Variants in FASN observed in about 807,000 individuals in gnomAD.
FASN encodes fatty acid synthase.
A neutral mutation model predicts 250.0 loss-of-function variants in FASN; 50 were observed. The ratio of observed to expected loss-of-function variants is 0.20; its 90% confidence interval spans 0.16 to 0.25. The LOEUF (loss-of-function observed/expected upper bound fraction) is 0.25. FASN is among the 10% of genes least tolerant of loss of function. The pLI, the probability that FASN is intolerant of heterozygous loss-of-function variation, is 1.00. For synonymous variants in FASN, 1,909 were observed against 1,584.0 expected (o/e 1.21, Z -4.87); for missense variants, 3,031 against 3,498.5 (o/e 0.87, Z 3.37).
At position 82,093,865 on chromosome 17, in the gene FASN, G is replaced by T. The variant is rs147636810; in HGVS notation, c.281-94C>A. The T allele has an allele frequency of 9.5e-3, 12,697 of 1,339,234 alleles. 81 individuals are homozygous for T. Among genetic ancestry groups the T allele is most frequent in the Middle Eastern group, 0.011 (45 of 3,956 alleles). The allele number at this position is 1,339,234 out of a possible 1,614,324, so 83.0% of individuals were successfully genotyped here. The stretch of plus-strand genomic sequence containing the variant: ...GCTCTGGGGCGAAGGTCCCATCTTG[G>T]CCTCACTGGCTTGGGGTGAGGGGGG... On this transcript the variant is annotated intron_variant, in intron 3 of 42. Transcript: ENST00000306749.
In FASN at chr17:82,082,964, T is replaced by C. The variant is rs777524726; in HGVS notation, c.5717A>G (p.Gln1906Arg). 2.5e-6 allele frequency: 4 copies of C among 1,612,830 alleles called. No individual in the cohort carries two copies. The highest frequency in any genetic ancestry group is 1.1e-5 in the South Asian group (1 of 91,086). ...CAACACGAGCTTCTGCACCCCACGC[T>C]GTATCAGCCACTGCGCCAACTCCAG... ...FGLELAQWLI[Q>R]RGVQKLVLTS... Residue 1906 changes from glutamine (Q) to arginine (R), a missense_variant, in exon 33 of 43, where the codon CAG becomes CGG. Physicochemically the swap from Gln to Arg is conservative, Grantham distance 43 (BLOSUM62 1). Transcript: ENST00000306749.
intron 41 of FASN, 85 bp downstream of exon 41, chr17:82,080,055 C>T (rs2033959727): frequency 1.2e-5 from 17 of 1,410,466 alleles, no homozygotes; most frequent in Admixed American, 5.0e-5. Flanking sequence ...TAACGCTCTT[C>T]GCGTCCCATC....
intron 41 of FASN, 24 bp from the exon 42 acceptor site, chr17:82,079,632 G>A (rs553305929): frequency 6.9e-6 from 11 of 1,597,668 alleles, no homozygotes; most frequent in Non-Finnish European, 9.3e-6. Context: ...CTCTGAGCAG[G>A]TGCTGGCAGC....
rs376057375 is a variant in FASN at position 82,089,238 on chromosome 17, G to T, written c.2100+12C>A. On this transcript the variant is annotated intron_variant, in intron 13 of 42. Coordinates refer to ENST00000306749, the MANE Select transcript of FASN (RefSeq NM_004104.5). The stretch of plus-strand genomic sequence containing the variant: ...TGGCCCGCCCCGCACCCCCCAGGCC[G>T]TATTAGTCCACCTTCTTGAGCTCCT... 6.2e-6 allele frequency: 10 copies of T among 1,611,958 alleles called. No individual in the cohort carries two copies. Among genetic ancestry groups the T allele is most frequent in the African/African-American group, 1.3e-5 (1 of 74,852 alleles).
chr17:82,089,575 AGACTTGCAAT>A (rs1300677813), intron 12 of FASN, 47 bp downstream of exon 12: 14 of 1,553,752 alleles, frequency 9.0e-6, no homozygotes, highest in African/African-American at 2.7e-5. Context: ...TGTCCCTGCC[AGACTTGCAAT>A]GGCAGGCGCA....
At chr17:82,080,093 T>C in intron 41 of FASN, 47 bp downstream of exon 41, 1 of 1,576,520 alleles carries the variant, frequency 6.3e-7, no homozygotes, top group South Asian at 1.1e-5. Flanking sequence ...CTTCCGTTCC[T>C]GCCCAGTACT....
At position 82,086,400 on chromosome 17, in the gene FASN, G is replaced by C. The variant is rs1177370577; in HGVS notation, c.3586C>G (p.Leu1196Val). Residue 1196 changes from leucine to valine, a missense_variant, in exon 22 of 43, where the codon CTG becomes GTG. By Grantham distance (32) the Leu-to-Val change is conservative. Transcript: ENST00000306749. ...CRLQLNGNLQ[L>V]ELAQVLAQER... Reference sequence around the variant, plus strand: ...TGGGCCAGCACCTGCGCCAGCTCCAGCTGCAGGTTCCCGTTGAGCTGAAGC... The same window carrying C: ...TGGGCCAGCACCTGCGCCAGCTCCACCTGCAGGTTCCCGTTGAGCTGAAGC... 1 of 1,610,760 alleles carries C rather than the reference G, an allele frequency of 6.2e-7. No individual in the cohort carries two copies. Among genetic ancestry groups the C allele is most frequent in the Admixed American group, 1.7e-5 (1 of 60,006 alleles).
rs368486805 is a variant in FASN at position 82,084,897 on chromosome 17, C to T, written c.4466G>A (p.Gly1489Asp). The T allele has an allele frequency of 1.5e-5, 24 of 1,551,300 alleles. No homozygotes were observed. In the African/African-American group the frequency reaches 3.0e-4, roughly 19 times the overall value. Residue 1489 changes from glycine to aspartate, a missense_variant, in exon 26 of 43, where the codon GGC becomes GAC. Transcript: ENST00000306749. ...STSHVPEVDPGSAELQKVLQG... is the reference protein window; with the variant it reads ...STSHVPEVDPDSAELQKVLQG... ...CAACACCTTCTGCAGTTCTGCGGAG[C>T]CCGGGTCCACCTCCGGGACGTGGGA...
At chr17:82,080,978 C>A in intron 38 of FASN, 56 bp from the exon 39 acceptor site, 3 of 1,495,362 alleles carry the variant, frequency 2.0e-6, no homozygotes, top group Non-Finnish European at 2.7e-6. Flanking sequence ...CTGGCACCCA[C>A]GCAAGGACAC....
At chr17:82,084,210 G>T (rs1410707933) in intron 28 of FASN, 24 bp downstream of exon 28, 2 of 1,610,610 alleles carry the variant, frequency 1.2e-6, no homozygotes, top group Non-Finnish European at 1.7e-6. Flanking sequence ...GTGGGGCCCA[G>T]GCTCACACCC....
intron 9 of FASN, 54 bp from the exon 10 acceptor site, chr17:82,091,123 C>T: frequency 6.2e-7 from 1 of 1,605,630 alleles, no homozygotes; most frequent in Non-Finnish European, 8.5e-7. Context: ...CACTGTGTGC[C>T]CATCCCCGTC....
chr17:82,083,715 T>A, intron 30 of FASN, 57 bp downstream of exon 30: 1 of 1,608,052 alleles, frequency 6.2e-7, no homozygotes, highest in Non-Finnish European at 8.5e-7. Context: ...CAGACCCTGC[T>A]TCTCCCTGGG....
rs1441157807 is a variant in FASN at position 82,087,150 on chromosome 17, C to T, written c.3327G>A (p.Gln1109=). 5 of 1,610,836 alleles carry T rather than the reference C, an allele frequency of 3.1e-6. No individual in the cohort carries two copies. The highest frequency in any genetic ancestry group is 1.7e-5 in the Admixed American group (1 of 59,764). ...TESAPRRQQE[Q]QVPILEKFCF... ...AAAACTTCTCCAGGATGGGCACCTG[C>T]TGCTCCTGCTGCCGCCGCGGGGCCG... Residue 1109 remains glutamine, a synonymous_variant, in exon 21 of 43, where the codon CAG becomes CAA. Transcript: ENST00000306749.
In FASN at chr17:82,085,735, T is replaced by G; in HGVS notation, c.3869A>C (p.His1290Pro). The G allele has an allele frequency of 6.4e-7, 1 of 1,565,610 alleles. No homozygotes were observed. The highest frequency in any genetic ancestry group is 8.7e-7 in the Non-Finnish European group (1 of 1,155,932). The stretch of plus-strand genomic sequence containing the variant: ...ATCCCACTGGCCCTGGGCAACGTCG[T>G]GCTGCTGCAGCTCGGCCTGGGCAGC... Reference protein sequence around the residue: ...LEAAQAELQQHDVAQGQWDPA... With the variant: ...LEAAQAELQQPDVAQGQWDPA... The change falls in exon 23 of 43, where the codon CAC (histidine) becomes CCC (proline). Residue 1290 changes from histidine to proline, a missense_variant. His to Pro is a moderately conservative substitution (Grantham distance 77). Transcript: ENST00000306749.
chr17:82,091,281 C>A lies in FASN; in HGVS notation c.1433G>T (p.Gly478Val). The A allele has an allele frequency of 6.2e-7, 1 of 1,607,850 alleles. No individual in the cohort carries two copies. Among genetic ancestry groups the A allele is most frequent in the Non-Finnish European group, 8.5e-7 (1 of 1,177,916 alleles). ...RGYAVLGGER[G>V]GPEVQQVPAG... ...GGGCACCTGCTGCACCTCTGGGCCA[C>A]CGCGCTCACCACCCAGCACAGCGTA... Residue 478 changes from glycine (G) to valine (V), a missense_variant, in exon 9 of 43, where the codon GGT becomes GTT. Transcript: ENST00000306749.
chr17:82,082,433 G>A lies in FASN; in HGVS notation c.5920-19C>T. ...TCAAGACCTGGGGGAGGCATCCTCA[G>A]CACTCCCTGCAGCTCCAGGGCCTCA... On this transcript the variant is annotated intron_variant, in intron 34 of 42. Transcript: ENST00000306749. 6.2e-7 allele frequency: 1 copy of A among 1,612,318 alleles called. No individual in the cohort carries two copies. Among genetic ancestry groups the A allele is most frequent in the Non-Finnish European group, 8.5e-7 (1 of 1,179,766 alleles).
Position 82,087,679 on chromosome 17 carries a change from A to G in FASN, c.3043+6T>C, listed in dbSNP as rs1277029020. 1.9e-6 allele frequency: 3 copies of G among 1,610,696 alleles called. No individual in the cohort carries two copies. In the African/African-American group the frequency reaches 4.0e-5, roughly 22 times the overall value. On this transcript the variant is annotated splice_donor_region_variant and intron_variant, in intron 19 of 42. Coordinates refer to ENST00000306749, the MANE Select transcript of FASN (RefSeq NM_004104.5). Reference sequence around the variant, plus strand: ...TGGCTTGGGCAGCAGTGTAGTCAGTACCCACCTTCCAGGCTGGCCTCCAGG... The same window carrying G: ...TGGCTTGGGCAGCAGTGTAGTCAGTGCCCACCTTCCAGGCTGGCCTCCAGG...
chr17:82,081,748 G>C lies in FASN; in HGVS notation c.6259C>G (p.Arg2087Gly). 6.2e-7 allele frequency: 1 copy of C among 1,612,668 alleles called. No homozygotes were observed. The change falls in exon 37 of 43, where the codon CGC becomes GGC. Residue 2087 changes from arginine to glycine, a missense_variant. Coordinates refer to ENST00000306749, the MANE Select transcript of FASN (RefSeq NM_004104.5). Reference sequence around the variant, plus strand: ...AGCACCTCCAGGCAGGACGCCATGCGCTGGGGCAGCGTGCCACTGACGATC... The same window carrying C: ...AGCACCTCCAGGCAGGACGCCATGCCCTGGGGCAGCGTGCCACTGACGATC... ...DTIVSGTLPQ[R>G]MASCLEVLDL...
At position 82,088,775 on chromosome 17, in the gene FASN, C is replaced by A; in HGVS notation, c.2406G>T (p.Arg802Ser). 1.2e-6 allele frequency: 2 copies of A among 1,612,194 alleles called. No homozygotes were observed. Among genetic ancestry groups the A allele is most frequent in the Non-Finnish European group, 1.7e-6 (2 of 1,179,710 alleles). Residue 802 changes from arginine to serine, a missense_variant, in exon 15 of 43, where the codon AGG (arginine) becomes AGT (serine). Coordinates refer to ENST00000306749, the MANE Select transcript of FASN (RefSeq NM_004104.5). ...AAGGGACCCACCCTGAGAGGTGCAG[C>A]CTGCCGATGCCGGCCAGGAAGAACT... ...NLEFFLAGIG[R>S]LHLSGIDANP...
Sources: gnomAD v4.1 joint callset for allele counts on GRCh38, gnomAD v4.1.1 for gene constraint, MANE v1.5 for transcripts, NCBI Gene and HGNC (gene_info 2026-07-23, HGNC 2026-07-21) for gene names.